B3GLCT: variants seen among roughly 807,000 people sequenced by gnomAD.
B3GLCT encodes the protein beta 3-glucosyltransferase.
In B3GLCT, 65 loss-of-function variants were observed where a neutral mutation model predicts 63.4. The observed-to-expected ratio is 1.03, with a 90% CI of 0.84 to 1.26. The LOEUF is 1.26. Ranked by LOEUF, B3GLCT falls within the 50% of genes most tolerant of loss-of-function variation. B3GLCT has a pLI of 0.00. For missense variants in B3GLCT, 577 were observed against 604.8 expected (o/e 0.95, Z 0.48); for synonymous variants, 233 against 219.2 (o/e 1.06, Z -0.55).
rs557500250 is a variant in B3GLCT at position 31,257,485 on chromosome 13, G to A, written c.460-3461G>A. ...ATACCCATAGGCAAAGTATCAAGAA[G>A]AAAGTCATCATATGGATCTGTGAAT... On this transcript the variant is annotated intron_variant, in intron 6 of 14. Coordinates refer to ENST00000343307, the MANE Select transcript of B3GLCT (RefSeq NM_194318.4). 1.2e-4 allele frequency among the ~76,000 whole-genome samples: 19 copies of A among 152,080 alleles called. 1 individual carries two copies. The highest frequency in any genetic ancestry group is 4.6e-4 in the African/African-American group (19 of 41,498).
At chr13:31,238,057 T>C (rs1870744789) in intron 4 of B3GLCT, among the ~76,000 whole-genome samples, 1 of 152,226 alleles carries the variant, frequency 6.6e-6, no homozygotes, top group Non-Finnish European at 1.5e-5. Flanking sequence ...CTAGAACTGC[T>C]GTTTAGTCAT....
intron 8 of B3GLCT, among the ~76,000 whole-genome samples, chr13:31,270,416 A>G (rs1872530379): frequency 6.6e-6 from 1 of 152,240 alleles, no homozygotes. Flanking sequence ...TCTTCCACAA[A>G]GATGAAAAAA....
At chr13:31,255,986 C>T (rs984930275) in intron 6 of B3GLCT, among the ~76,000 whole-genome samples, 20 of 152,162 alleles carry the variant, frequency 1.3e-4, no homozygotes, top group African/African-American at 4.8e-4. Flanking sequence ...GCAAAAGAAA[C>T]TATCATCAGA....
Position 31,274,546 on chromosome 13 carries a change from C to T in B3GLCT, c.698C>T (p.Pro233Leu). 1 of 1,614,210 alleles carries T rather than the reference C, an allele frequency of 6.2e-7. No homozygotes were observed. Among genetic ancestry groups the T allele is most frequent in the Non-Finnish European group, 8.5e-7 (1 of 1,180,030 alleles). ...LYIWDKGGGPPLTPVPEFCTN... is the reference protein window; with the variant it reads ...LYIWDKGGGPLLTPVPEFCTN... ...ATCTGGGACAAAGGCGGAGGACCTC[C>T]CCTGACCCCAGTGCCTGAGTTTTGT... Residue 233 changes from proline (P) to leucine (L), a missense_variant, in exon 9 of 15, where the codon CCC becomes CTC. Coordinates refer to ENST00000343307, the MANE Select transcript of B3GLCT (RefSeq NM_194318.4).
intron 12 of B3GLCT, among the ~76,000 whole-genome samples, chr13:31,301,829 T>C (rs1309866005): frequency 6.6e-6 from 1 of 152,256 alleles, no homozygotes; most frequent in East Asian, 1.9e-4. Context: ...CAGGGGTCCC[T>C]TTCCTCCACT....
At chr13:31,226,982 G>A (rs2137766720) in intron 3 of B3GLCT, among the ~76,000 whole-genome samples, 1 of 152,190 alleles carries the variant, frequency 6.6e-6, no homozygotes, top group East Asian at 1.9e-4. Context: ...CACATGCTAT[G>A]TGTGTATATG....
rs1012270696 is a variant in B3GLCT at position 31,229,220 on chromosome 13, A to T, written c.196A>T (p.Ser66Cys). ...AATTGTATTCGTCATCCAGAGTCAAAGTAATTCTTTTCATGCAAAGAGAGC... is the reference window on the plus strand; with the variant it reads ...AATTGTATTCGTCATCCAGAGTCAATGTAATTCTTTTCATGCAAAGAGAGC... ...KGIVFVIQSQ[S>C]NSFHAKRAEQ... Residue 66 changes from serine (S) to cysteine (C), a missense_variant, in exon 4 of 15, where the codon AGT becomes TGT. Physicochemically the swap from Ser to Cys is moderately radical, Grantham distance 112 (BLOSUM62 -1). Coordinates refer to ENST00000343307, the MANE Select transcript of B3GLCT (RefSeq NM_194318.4). 13 of 1,612,868 alleles carry T rather than the reference A, an allele frequency of 8.1e-6. No individual in the cohort carries two copies. The highest frequency in any genetic ancestry group is 1.1e-5 in the Non-Finnish European group (13 of 1,178,952).
chr13:31,227,310 T>C (rs1044548511), intron 3 of B3GLCT, among the ~76,000 whole-genome samples: 6 of 152,074 alleles, frequency 3.9e-5, no homozygotes, highest in Non-Finnish European at 8.8e-5. Flanking sequence ...ATTGGGAATG[T>C]GCATCTTCTT....
intron 7 of B3GLCT, among the ~76,000 whole-genome samples, chr13:31,261,568 G>A (rs957828170): frequency 6.6e-6 from 1 of 152,204 alleles, no homozygotes; most frequent in African/African-American, 2.4e-5. Flanking sequence ...GTCATACCTA[G>A]CTATTTGTGT....
At chr13:31,322,836 T>G (rs1489942766) in intron 13 of B3GLCT, among the ~76,000 whole-genome samples, 2 of 152,194 alleles carry the variant, frequency 1.3e-5, no homozygotes, top group African/African-American at 4.8e-5. Context: ...GTGTGCTCTT[T>G]TCCCGGAGTC....
intron 12 of B3GLCT, among the ~76,000 whole-genome samples, chr13:31,313,209 T>C (rs1358399922): frequency 6.6e-6 from 1 of 152,182 alleles, no homozygotes; most frequent in Non-Finnish European, 1.5e-5. Flanking sequence ...TACCCATCCC[T>C]CCCACCAAAA....
At chr13:31,288,678 C>T (rs1873475602) in intron 12 of B3GLCT, among the ~76,000 whole-genome samples, 1 of 152,176 alleles carries the variant, frequency 6.6e-6, no homozygotes, top group Non-Finnish European at 1.5e-5. Context: ...GACCACACTA[C>T]AACAGCACCA....
chr13:31,261,086 A>G lies in B3GLCT; in HGVS notation c.596+4A>G. ...TAAGTATTCCACTTGTAAACAAGTA[A>G]GAATTTATTGGAATTTTTTCGGGGG... is the stretch of plus-strand genomic sequence containing the variant. On this transcript the variant is annotated splice_donor_region_variant and intron_variant, in intron 7 of 14. Transcript: ENST00000343307. 1 of 1,612,134 alleles carries G rather than the reference A, an allele frequency of 6.2e-7. No individual in the cohort carries two copies.
chr13:31,283,479 A>T (rs949904914), intron 10 of B3GLCT, among the ~76,000 whole-genome samples: 1 of 152,128 alleles, frequency 6.6e-6, no homozygotes, highest in Non-Finnish European at 1.5e-5. Context: ...GACCATTTTG[A>T]CATGTAGAAA....
In B3GLCT at chr13:31,200,032, C is replaced by G; in HGVS notation, c.-53C>G. 8.4e-7 allele frequency: 1 copy of G among 1,197,334 alleles called. No homozygotes were observed. The highest frequency in any genetic ancestry group is 1.1e-6 in the Non-Finnish European group (1 of 936,078). 74.2% of individuals were successfully genotyped at this position (1,197,334 alleles called of 1,614,324 possible). ...GCGGCAGCGGCGCAGCTCCGCTCCC[C>G]GCGCGTCTCCCTTCCCCGCGCCCAG... On this transcript the variant is annotated 5_prime_UTR_variant, in exon 1 of 15. Coordinates refer to ENST00000343307, the MANE Select transcript of B3GLCT (RefSeq NM_194318.4).
Position 31,274,523 on chromosome 13 carries a change from C to G in B3GLCT, c.675C>G (p.Ile225Met), listed in dbSNP as rs1392528098. ...IDLKHEIALYIWDKGGGPPLT... is the reference protein window; with the variant it reads ...IDLKHEIALYMWDKGGGPPLT... ...TCTCGTGGCAGATTGCCCTCTACAT[C>G]TGGGACAAAGGCGGAGGACCTCCCC... Residue 225 changes from isoleucine to methionine, a missense_variant, in exon 9 of 15, where the codon ATC (isoleucine) becomes ATG (methionine). Transcript: ENST00000343307. The G allele has an allele frequency of 6.2e-7, 1 of 1,614,104 alleles. No individual in the cohort carries two copies. Among genetic ancestry groups the G allele is most frequent in the Non-Finnish European group, 8.5e-7 (1 of 1,180,038 alleles).
intron 1 of B3GLCT, among the ~76,000 whole-genome samples, chr13:31,205,719 A>C (rs1243121932): frequency 1.3e-5 from 2 of 152,180 alleles, no homozygotes; most frequent in African/African-American, 4.8e-5. Flanking sequence ...TAAGGAAGAG[A>C]GTCTTGCTTA....
At chr13:31,268,293 C>T (rs1287316043) in intron 7 of B3GLCT, among the ~76,000 whole-genome samples, 1 of 152,122 alleles carries the variant, frequency 6.6e-6, no homozygotes, top group Non-Finnish European at 1.5e-5. Context: ...CCCTCGTTAG[C>T]TTTGAATCAA....
At chr13:31,265,714 A>T (rs1290659599) in intron 7 of B3GLCT, among the ~76,000 whole-genome samples, 1 of 152,222 alleles carries the variant, frequency 6.6e-6, no homozygotes, top group African/African-American at 2.4e-5. Flanking sequence ...AATATATGTC[A>T]TTCCAGGACA....
Sources: allele counts gnomAD v4.1 joint callset (sites outside exome capture counted in the v4.1 genomes callset), GRCh38; gene constraint gnomAD v4.1.1; transcripts MANE v1.5; gene names NCBI Gene and HGNC (gene_info 2026-07-23, HGNC 2026-07-21).